DLGAP1: variants seen among roughly 807,000 people sequenced by gnomAD.
DLGAP1 encodes disks large-associated protein 1.
DLGAP1 carries 11 observed loss-of-function variants against 90.8 expected under a neutral mutation model. The ratio of observed to expected loss-of-function variants is 0.12; its 90% CI spans 0.08 to 0.20. The LOEUF (loss-of-function observed/expected upper bound fraction) is 0.20, where lower values mean the gene tolerates loss of function less well. Among genes scored for constraint, DLGAP1 ranks in the 10% least tolerant of loss-of-function variants. The pLI is 1.00. For synonymous variants in DLGAP1, 558 were observed against 540.7 expected (o/e 1.03, Z -0.44); for missense variants, 1,050 against 1,333.8 (o/e 0.79, Z 3.31).
chr18:4,062,146 T>C (rs1325414497), intron 2 of DLGAP1, among the ~76,000 whole-genome samples: 2 of 152,206 alleles, frequency 1.3e-5, no homozygotes, highest in Non-Finnish European at 2.9e-5. Flanking sequence ...AGCATATTTC[T>C]TTCTACCTGA....
At chr18:4,115,625 A>G (rs1196687481) in intron 2 of DLGAP1, among the ~76,000 whole-genome samples, 1 of 152,054 alleles carries the variant, frequency 6.6e-6, no homozygotes, top group East Asian at 1.9e-4. Flanking sequence ...AGCTGGGACT[A>G]CAGGCGCCTG....
At chr18:4,156,724 A>T (rs1469967151) in intron 1 of DLGAP1, among the ~76,000 whole-genome samples, 1 of 152,192 alleles carries the variant, frequency 6.6e-6, no homozygotes, top group Non-Finnish European at 1.5e-5. Context: ...ACCTAAAAAA[A>T]CCCTAAACTT....
At chr18:3,627,246 T>A (rs2146116142) in intron 7 of DLGAP1, among the ~76,000 whole-genome samples, 1 of 152,306 alleles carries the variant, frequency 6.6e-6, no homozygotes. Context: ...GGCCTAGTGC[T>A]AGTAATTTTT....
intron 3 of DLGAP1, among the ~76,000 whole-genome samples, chr18:3,943,831 C>A (rs1648607429): frequency 6.6e-6 from 1 of 152,026 alleles, no homozygotes; most frequent in Non-Finnish European, 1.5e-5. Context: ...GGGCCCTAAT[C>A]CAACATGACT....
At position 3,880,131 on chromosome 18, in the gene DLGAP1, G is replaced by C; in HGVS notation, c.-63C>G. The C allele has an allele frequency of 6.7e-7, 1 of 1,492,722 alleles. No individual in the cohort carries two copies. The highest frequency in any genetic ancestry group is 1.1e-5 in the South Asian group (1 of 88,172). 92.5% of individuals were successfully genotyped at this position (1,492,722 alleles called of 1,614,324 possible). On this transcript the variant is annotated 5_prime_UTR_variant, in exon 4 of 13. Coordinates refer to ENST00000315677, the MANE Select transcript of DLGAP1 (RefSeq NM_004746.4). ...GGAAGTCAGGCTCCAGACCCGTCTT[G>C]GGCAGGGATCTGGGGGAATGAAGAA...
intron 6 of DLGAP1, among the ~76,000 whole-genome samples, chr18:3,733,469 T>C (rs550768552): frequency 6.6e-6 from 1 of 152,332 alleles, no homozygotes; most frequent in South Asian, 2.1e-4. Context: ...ATTACAAGGG[T>C]AAACAACTGA....
At chr18:3,578,966 G>A (rs1227348578) in intron 8 of DLGAP1, among the ~76,000 whole-genome samples, 1 of 152,134 alleles carries the variant, frequency 6.6e-6, no homozygotes, top group African/African-American at 2.4e-5. Context: ...TAAGACATGA[G>A]ATAATGTCTC....
chr18:4,321,595 T>G (rs2080687968), intron 1 of DLGAP1, among the ~76,000 whole-genome samples: 1 of 152,176 alleles, frequency 6.6e-6, no homozygotes, highest in South Asian at 2.1e-4. Context: ...CAAGTATCCA[T>G]GCAGATACTG....
intron 7 of DLGAP1, among the ~76,000 whole-genome samples, chr18:3,714,248 G>C (rs549257170): frequency 1.3e-5 from 2 of 152,304 alleles, no homozygotes; most frequent in African/African-American, 4.8e-5. Flanking sequence ...TTCTAAGACA[G>C]TTTAGGGTTT....
chr18:3,951,256 C>T (rs1817155485), intron 3 of DLGAP1, among the ~76,000 whole-genome samples: 2 of 152,310 alleles, frequency 1.3e-5, no homozygotes, highest in South Asian at 2.1e-4. Context: ...TCAGTACTAA[C>T]CTCACATTAC....
chr18:3,763,836 A>G (rs7232725), intron 5 of DLGAP1, among the ~76,000 whole-genome samples: 44,597 of 151,610 alleles, frequency 0.29, 7,423 homozygotes, highest in East Asian at 0.55. Flanking sequence ...TAATTTTTTT[A>G]TATTTAGTAC....
intron 1 of DLGAP1, among the ~76,000 whole-genome samples, chr18:4,369,289 G>C (rs954004461): frequency 6.8e-6 from 1 of 148,022 alleles, no homozygotes; most frequent in Admixed American, 6.7e-5. Context: ...ACATGCATAT[G>C]AGTGTGCGTG....
intron 4 of DLGAP1, among the ~76,000 whole-genome samples, chr18:3,858,346 C>G (rs543662333): frequency 6.6e-6 from 1 of 152,128 alleles, no homozygotes; most frequent in South Asian, 2.1e-4. Context: ...TTGGTGAGAG[C>G]TCTTTGAGGG....
intron 6 of DLGAP1, among the ~76,000 whole-genome samples, chr18:3,738,211 A>T (rs2062742562): frequency 6.7e-6 from 1 of 149,320 alleles, no homozygotes; most frequent in South Asian, 2.1e-4. Context: ...AAGGTAATTT[A>T]CAGATTCAAT....
intron 9 of DLGAP1, among the ~76,000 whole-genome samples, chr18:3,563,249 G>A (rs1274979783): frequency 6.6e-6 from 1 of 152,016 alleles, no homozygotes; most frequent in African/African-American, 2.4e-5. Context: ...TTTTTGGTTT[G>A]TGTTTGTTTG....
chr18:3,956,634 C>A (rs2073092012), intron 3 of DLGAP1, among the ~76,000 whole-genome samples: 1 of 151,944 alleles, frequency 6.6e-6, no homozygotes, highest in Admixed American at 6.5e-5. Context: ...AGAAGTGAAC[C>A]ACCACGCCCG....
intron 6 of DLGAP1, among the ~76,000 whole-genome samples, chr18:3,741,127 C>T (rs1460893920): frequency 1.1e-3 from 131 of 117,454 alleles, no homozygotes; most frequent in Non-Finnish European, 1.4e-3. Flanking sequence ...ACCATCACCA[C>T]CACCACCACA....
chr18:3,657,641 T>C lies in DLGAP1; in HGVS notation c.1591+71494A>G, dbSNP rs376077271. On this transcript the variant is annotated intron_variant, in intron 7 of 12. Coordinates refer to ENST00000315677, the MANE Select transcript of DLGAP1 (RefSeq NM_004746.4). ...TTTTTGAGACGGAGTCTTGCTCTGT[T>C]GCCCAGGCTGGAGTGCAGTGGCGCG... Among the ~76,000 whole-genome samples the C allele has an allele frequency of 1.9e-3, 292 of 150,844 alleles. 1 individual carries two copies. Among genetic ancestry groups the C allele is most frequent in the Middle Eastern group, 0.01 (3 of 294 alleles).
At chr18:3,837,641 G>A (rs888459538) in intron 4 of DLGAP1, among the ~76,000 whole-genome samples, 2 of 151,984 alleles carry the variant, frequency 1.3e-5, no homozygotes, top group Non-Finnish European at 2.9e-5. Context: ...CTGAGCTCGG[G>A]AGTTTGAGAC....
Sources: gnomAD v4.1 joint callset for allele counts (sites outside exome capture counted in the v4.1 genomes callset) on GRCh38, gnomAD v4.1.1 for gene constraint, MANE v1.5 for transcripts, NCBI Gene and HGNC (gene_info 2026-07-23, HGNC 2026-07-21) for gene names.